The following MIS18BP1 variants were observed in gnomAD, a reference collection of about 807,000 sequenced individuals.
The protein encoded by MIS18BP1 is MIS18 binding protein 1.
In MIS18BP1, 72 loss-of-function variants were observed where a neutral mutation model predicts 116.1. The ratio of observed to expected loss-of-function variants is 0.62; its 90% CI spans 0.51 to 0.75. The LOEUF (loss-of-function observed/expected upper bound fraction) is 0.75, where lower values mean the gene tolerates loss of function less well. MIS18BP1 is among the 30% of genes least tolerant of loss of function. MIS18BP1 has a pLI of 0.00. For synonymous variants in MIS18BP1, 386 were observed against 427.0 expected, an observed-to-expected ratio of 0.90 and a Z score of 1.18; for missense variants, 1,363 against 1,303.2, an observed-to-expected ratio of 1.05 and a Z score of -0.71.
chr14:45,206,040 A>G (rs771715561), intron 15 of MIS18BP1, 43 bp downstream of exon 15: 12 of 1,271,484 alleles, frequency 9.4e-6, no homozygotes, highest in Non-Finnish European at 1.1e-6. Context: ...TCACATATTA[A>G]AGTTGTTTCA....
rs746290049 is a variant in MIS18BP1, at chr14:45,242,869, C to G, written c.550G>C (p.Val184Leu). 3 of 1,593,046 alleles carry G rather than the reference C, an allele frequency of 1.9e-6. No homozygotes were observed. The South Asian group carries it at 3.4e-5, about 18-fold the overall frequency. The change falls in exon 3 of 17, where the codon GTC becomes CTC. Residue 184 changes from valine to leucine, a missense_variant. Val to Leu is a conservative substitution (Grantham distance 32). Coordinates refer to ENST00000310806, the MANE Select transcript of MIS18BP1 (RefSeq NM_018353.5). ...GATGATTCTAGAGGAACTCCTTGGA[C>G]TGAGGCTAAGGTTTTATTTTTTAAA... is the stretch of plus-strand genomic sequence containing the variant. ...QSDDSSLRAS[V>L]QGVPLESSNN...
intron 12 of MIS18BP1, among the ~76,000 whole-genome samples, chr14:45,217,665 A>G (rs959107321): frequency 2.0e-5 from 3 of 151,206 alleles, no homozygotes; most frequent in Non-Finnish European, 4.4e-5. Flanking sequence ...CGAACTTGTG[A>G]GCTCAAGTAA....
At position 45,203,987 on chromosome 14, in the gene MIS18BP1, T is replaced by A; in HGVS notation, c.*122A>T. On this transcript the variant is annotated 3_prime_UTR_variant, in exon 17 of 17. Coordinates refer to ENST00000310806, the MANE Select transcript of MIS18BP1 (RefSeq NM_018353.5). Reference sequence around the variant, plus strand: ...CTTTGAACACAAACATATGAAACCTTCAAAAAAGTCCACATTTTCATAGGA... The same window carrying A: ...CTTTGAACACAAACATATGAAACCTACAAAAAAGTCCACATTTTCATAGGA... 1 of 1,402,726 alleles carries A rather than the reference T, an allele frequency of 7.1e-7. No homozygotes were observed. The allele number at this position is 1,402,726 out of a possible 1,614,324, so 86.9% of individuals were successfully genotyped here.
chr14:45,204,468 C>T lies in MIS18BP1; in HGVS notation c.3241-15G>A, dbSNP rs1368797714. 6.4e-7 allele frequency: 1 copy of T among 1,566,420 alleles called. No individual in the cohort carries two copies. The highest frequency in any genetic ancestry group is 1.4e-5 in the African/African-American group (1 of 72,198). ...TCAGTTTCAACCTATAAAAGAGTTA[C>T]TATTAATAGCTAAATGGTACCTCCT... On this transcript the variant is annotated splice_polypyrimidine_tract_variant and intron_variant, in intron 15 of 16. Coordinates refer to ENST00000310806, the MANE Select transcript of MIS18BP1 (RefSeq NM_018353.5).
At chr14:45,208,544 G>T (rs1295860039) in intron 14 of MIS18BP1, among the ~76,000 whole-genome samples, 1 of 152,030 alleles carries the variant, frequency 6.6e-6, no homozygotes, top group Non-Finnish European at 1.5e-5. Flanking sequence ...ATGTTGGCCA[G>T]ACTGGTCTCG....
intron 14 of MIS18BP1, among the ~76,000 whole-genome samples, chr14:45,207,230 T>C (rs989665085): frequency 6.6e-6 from 1 of 152,214 alleles, no homozygotes; most frequent in Non-Finnish European, 1.5e-5. Context: ...AGATCTTACA[T>C]ACCTGAGTAT....
At position 45,204,186 on chromosome 14, in the gene MIS18BP1, T is replaced by G. The variant is rs1460368563; in HGVS notation, c.3322A>C (p.Lys1108Gln). Residue 1108 changes from lysine (K) to glutamine (Q), a missense_variant, in exon 17 of 17, where the codon AAA becomes CAA. Lys to Gln is a moderately conservative substitution (Grantham distance 53). Transcript: ENST00000310806. ...GATTCCACAGCATTAGTGAAAAGTT[T>G]TCCAATACCAGAGTTTTCTCCTAAG... Reference protein sequence around the residue: ...TDLGENSGIGKLFTNAVESLD... With the variant: ...TDLGENSGIGQLFTNAVESLD... The G allele has an allele frequency of 1.9e-6, 3 of 1,610,784 alleles. No individual in the cohort carries two copies. Among genetic ancestry groups the G allele is most frequent in the Non-Finnish European group, 2.5e-6 (3 of 1,178,856 alleles).
chr14:45,220,723 T>C (rs1209693620), intron 11 of MIS18BP1, among the ~76,000 whole-genome samples: 7 of 152,212 alleles, frequency 4.6e-5, no homozygotes, highest in Admixed American at 1.3e-4. Flanking sequence ...AATTTGTTTA[T>C]GTAGAAAGTA....
chr14:45,207,440 C>A (rs1302416947), intron 14 of MIS18BP1, among the ~76,000 whole-genome samples: 1 of 152,166 alleles, frequency 6.6e-6, no homozygotes, highest in Non-Finnish European at 1.5e-5. Context: ...TACCTGAAGT[C>A]AGGAGTTCAA....
chr14:45,222,539 ATTG>A lies in MIS18BP1; in HGVS notation c.2669+1376_2669+1378del, dbSNP rs1041705430. Among the ~76,000 whole-genome samples the A allele has an allele frequency of 4.1e-4, 62 of 152,232 alleles. 1 individual carries two copies. The highest frequency in any genetic ancestry group is 1.3e-3 in the African/African-American group (55 of 41,554). ...CAAGCTATACGTTCAGTCTACTATC[ATTG>A]TTGTTTCAATGTCAGTTTCATTTTT... On this transcript the variant is annotated intron_variant, in intron 11 of 16. Coordinates refer to ENST00000310806, the MANE Select transcript of MIS18BP1 (RefSeq NM_018353.5).
At chr14:45,250,476 G>A (rs1234235554) in intron 1 of MIS18BP1, among the ~76,000 whole-genome samples, 1 of 152,166 alleles carries the variant, frequency 6.6e-6, no homozygotes, top group Non-Finnish European at 1.5e-5. Context: ...CTAGCAACCC[G>A]CAAGTGGAGG....
chr14:45,223,543 T>TC (rs1301489900), intron 11 of MIS18BP1, among the ~76,000 whole-genome samples: 1 of 152,140 alleles, frequency 6.6e-6, no homozygotes, highest in Non-Finnish European at 1.5e-5. Flanking sequence ...GGCATTGCAC[T>TC]CCAGACGGGG....
At chr14:45,218,895 G>A (rs1890896834) in intron 11 of MIS18BP1, among the ~76,000 whole-genome samples, 1 of 129,602 alleles carries the variant, frequency 7.7e-6, no homozygotes, top group South Asian at 2.9e-4. Flanking sequence ...CTATTAAAAA[G>A]TGTTATGCTT....
intron 1 of MIS18BP1, among the ~76,000 whole-genome samples, chr14:45,251,735 G>A (rs529363650): frequency 5.3e-5 from 8 of 152,232 alleles, no homozygotes; most frequent in Middle Eastern, 3.4e-3. Flanking sequence ...ATGGTCATGG[G>A]ACATGAAAGG....
chr14:45,223,241 G>A (rs1432539017), intron 11 of MIS18BP1, among the ~76,000 whole-genome samples: 2 of 152,096 alleles, frequency 1.3e-5, no homozygotes, highest in East Asian at 3.9e-4. Flanking sequence ...TAGGTTTCTA[G>A]TATCCTTGAG....
chr14:45,247,236 T>C lies in MIS18BP1; in HGVS notation c.51A>G (p.Ala17=), dbSNP rs1891748119. The stretch of plus-strand genomic sequence containing the variant: ...TGGGTAGATTTCTCCTTTGAGAAGA[T>C]GCCTCTGGAGGTAAGTAAATTCTTG... ...KHSRIYLPPE[A]SSQRRNLPMD... The change falls in exon 2 of 17, where the codon GCA becomes GCG. Residue 17 remains alanine, a synonymous_variant. Transcript: ENST00000310806. 1 of 1,609,418 alleles carries C rather than the reference T, an allele frequency of 6.2e-7. No individual in the cohort carries two copies. Among genetic ancestry groups the C allele is most frequent in the Non-Finnish European group, 8.5e-7 (1 of 1,179,054 alleles).
intron 2 of MIS18BP1, 44 bp from the exon 3 acceptor site, chr14:45,242,918 A>G (rs1891624361): frequency 7.7e-7 from 1 of 1,304,306 alleles, no homozygotes; most frequent in East Asian, 2.3e-5. Context: ...GAATTGTATT[A>G]GTCACTAAGA....
At chr14:45,223,257 C>G (rs867782849) in intron 11 of MIS18BP1, among the ~76,000 whole-genome samples, 30 of 152,086 alleles carry the variant, frequency 2.0e-4, no homozygotes, top group African/African-American at 7.0e-4. Context: ...TTGAGTCTCA[C>G]TTGTGGGGCA....
intron 1 of MIS18BP1, among the ~76,000 whole-genome samples, chr14:45,248,055 G>GTTTTTTTTTTTTTTTTT (rs3036381): frequency 3.2e-4 from 35 of 109,214 alleles, no homozygotes; most frequent in Non-Finnish European, 4.4e-4. Flanking sequence ...TGTTTCTTTC[G>GTTTTTTTTTTTTTTTTT]TTTTTTTTTT....
Sources: gnomAD v4.1 joint callset for allele counts (sites outside exome capture counted in the v4.1 genomes callset) on GRCh38, gnomAD v4.1.1 for gene constraint, MANE v1.5 for transcripts, NCBI Gene and HGNC (gene_info 2026-07-23, HGNC 2026-07-21) for gene names.